Variants in ARFGAP1 observed in about 807,000 individuals in gnomAD.
The protein encoded by ARFGAP1 is ARF GTPase activating protein 1.
ARFGAP1 carries 26 observed loss-of-function variants against 54.0 expected under a neutral mutation model. That is an observed-to-expected ratio of 0.48 (90% CI 0.35 to 0.67). The LOEUF (loss-of-function observed/expected upper bound fraction) is 0.67, where lower values mean the gene tolerates loss of function less well. ARFGAP1 is among the 30% of genes least tolerant of loss of function. The pLI is 0.00. For missense variants in ARFGAP1, 525 were observed against 535.8 expected (o/e 0.98, Z 0.20); for synonymous variants, 248 against 211.9 (o/e 1.17, Z -1.48).
At chr20:63,284,227 C>T in intron 9 of ARFGAP1, 1 of 1,225,514 alleles carries the variant, frequency 8.2e-7, no homozygotes, top group Non-Finnish European at 1.0e-6. Context: ...GCAGGGTTTC[C>T]TGGCCACCTG....
chr20:63,283,956 C>T (rs771565004), intron 9 of ARFGAP1: 482 of 1,593,474 alleles, frequency 3.0e-4, no homozygotes, highest in Non-Finnish European at 3.7e-4. Context: ...GTCCCTCCTG[C>T]GTGCTGCCAC....
chr20:63,288,374 C>T lies in ARFGAP1; in HGVS notation c.*501C>T, dbSNP rs1251329890. The T allele has an allele frequency of 4.4e-6, 2 of 456,390 alleles. No individual in the cohort carries two copies. Among genetic ancestry groups the T allele is most frequent in the African/African-American group, 4.0e-5 (2 of 50,080 alleles). 28.3% of individuals were successfully genotyped at this position (456,390 alleles called of 1,614,324 possible). ...GGAAATGCTGGAAATGATACTGGCGCTCACGCTGCCATCCGACCACCCTCG... is the reference window on the plus strand; with the variant it reads ...GGAAATGCTGGAAATGATACTGGCGTTCACGCTGCCATCCGACCACCCTCG... On this transcript the variant is annotated 3_prime_UTR_variant, in exon 13 of 13. Coordinates refer to ENST00000370283, the MANE Select transcript of ARFGAP1 (RefSeq NM_018209.4).
chr20:63,275,506 A>T, intron 1 of ARFGAP1, 71 bp from the exon 2 acceptor site: 2 of 1,451,418 alleles, frequency 1.4e-6, no homozygotes, highest in Non-Finnish European at 1.9e-6. Flanking sequence ...GTGTTTTTGG[A>T]CAGACGTTAT....
At chr20:63,282,955 A>C (rs1440708551) in intron 9 of ARFGAP1, 104 bp downstream of exon 9, 21 of 1,283,386 alleles carry the variant, frequency 1.6e-5, no homozygotes, top group Non-Finnish European at 2.3e-5. Flanking sequence ...CTCAGGCCAC[A>C]TGCTCAGAGC....
chr20:63,281,187 G>A, intron 7 of ARFGAP1, 104 bp from the exon 8 acceptor site: 1 of 1,277,012 alleles, frequency 7.8e-7, no homozygotes, highest in Admixed American at 2.1e-5. Flanking sequence ...ACGGGGGCCT[G>A]GGGCAGCCTC....
At chr20:63,284,160 CCTG>C (rs993973708) in intron 9 of ARFGAP1, 1 of 1,312,276 alleles carries the variant, frequency 7.6e-7, no homozygotes, top group Non-Finnish European at 9.7e-7. Flanking sequence ...CCAACGCAGG[CCTG>C]CTGCCGGGGA....
intron 10 of ARFGAP1, 33 bp from the exon 11 acceptor site, chr20:63,285,621 C>T: frequency 6.2e-7 from 1 of 1,607,844 alleles, no homozygotes; most frequent in Non-Finnish European, 8.5e-7. Flanking sequence ...ATCTCTCCCG[C>T]CCCCATTAAT....
At chr20:63,279,913 C>T (rs1601346501) in intron 7 of ARFGAP1, among the ~76,000 whole-genome samples, 1 of 152,134 alleles carries the variant, frequency 6.6e-6, no homozygotes, top group East Asian at 1.9e-4. Flanking sequence ...CCAAGGCGGG[C>T]GGATCACCTG....
At chr20:63,277,419 A>C (rs957026118) in intron 5 of ARFGAP1, 114 bp downstream of exon 5, 2 of 918,348 alleles carry the variant, frequency 2.2e-6, no homozygotes, top group African/African-American at 3.4e-5. Context: ...CTTTTCCCAG[A>C]AGTCAGTGGG....
chr20:63,287,222 C>T (rs1020784955), intron 12 of ARFGAP1, among the ~76,000 whole-genome samples: 2 of 152,272 alleles, frequency 1.3e-5, no homozygotes, highest in African/African-American at 2.4e-5. Flanking sequence ...CTCGGGAGGG[C>T]CTGTGTCCCG....
Position 63,277,314 on chromosome 20 carries a change from T to A in ARFGAP1, c.443+9T>A. The A allele has an allele frequency of 6.2e-7, 1 of 1,609,482 alleles. No individual in the cohort carries two copies. The highest frequency in any genetic ancestry group is 8.5e-7 in the Non-Finnish European group (1 of 1,178,422). ...CCGTCCATGGTGCACCGGTAGCTGC[T>A]CCTCGTGGGGCCTTAGTACAGTTTC... On this transcript the variant is annotated intron_variant, in intron 5 of 12. Transcript: ENST00000370283.
At position 63,276,674 on chromosome 20, in the gene ARFGAP1, C is replaced by T; in HGVS notation, c.342+23C>T. ...AAGGTAGAGATGGGCCCGATTCACT[C>T]TTGCCCATGGTGTGGGGCTGCCCTG... is the stretch of plus-strand genomic sequence containing the variant. On this transcript the variant is annotated intron_variant, in intron 4 of 12. Coordinates refer to ENST00000370283, the MANE Select transcript of ARFGAP1 (RefSeq NM_018209.4). This position sits in a 1 kb window ranked among gnomAD's most constrained non-coding sequence, Gnocchi z 5.2. 6.3e-7 allele frequency: 1 copy of T among 1,585,386 alleles called. No homozygotes were observed. The highest frequency in any genetic ancestry group is 8.6e-7 in the Non-Finnish European group (1 of 1,163,754).
At chr20:63,285,950 C>G in intron 11 of ARFGAP1, 1 of 1,497,352 alleles carries the variant, frequency 6.7e-7, no homozygotes, top group Non-Finnish European at 8.9e-7. Context: ...TCTTATCTTG[C>G]TGCTGCTGGC....
chr20:63,281,436 G>A, intron 8 of ARFGAP1, 89 bp downstream of exon 8: 2 of 1,447,734 alleles, frequency 1.4e-6, no homozygotes, highest in South Asian at 2.4e-5. Flanking sequence ...AGCTGCAGAA[G>A]GGATGTGGGA....
At chr20:63,286,223 G>C in intron 11 of ARFGAP1, 143 bp from the exon 12 acceptor site, 17 of 1,547,522 alleles carry the variant, frequency 1.1e-5, no homozygotes, top group Non-Finnish European at 1.2e-5. Flanking sequence ...GTGTCTGTAC[G>C]TGTGTGCGAG....
At chr20:63,280,976 G>A (rs2067365134) in intron 7 of ARFGAP1, among the ~76,000 whole-genome samples, 1 of 152,230 alleles carries the variant, frequency 6.6e-6, no homozygotes. Flanking sequence ...AGGAGGGAGC[G>A]CCGGCCATGG....
chr20:63,283,209 GTGC>G, intron 9 of ARFGAP1: 1 of 387,482 alleles, frequency 2.6e-6, no homozygotes, highest in Non-Finnish European at 4.7e-6. Context: ...GGTTGGTGCT[GTGC>G]CTGCGGCACA....
intron 11 of ARFGAP1, chr20:63,286,120 T>C: frequency 1.3e-6 from 2 of 1,550,162 alleles, no homozygotes. Context: ...CCCCCAAGCA[T>C]GTGGTGGGAG....
At chr20:63,274,624 A>G (rs1320488926) in intron 1 of ARFGAP1, among the ~76,000 whole-genome samples, 2 of 152,044 alleles carry the variant, frequency 1.3e-5, no homozygotes, top group African/African-American at 2.4e-5. Flanking sequence ...CAGACAACGC[A>G]CTGAGGCATG....
Sources: allele counts gnomAD v4.1 joint callset (sites outside exome capture counted in the v4.1 genomes callset), GRCh38; gene constraint gnomAD v4.1.1; non-coding constraint Gnocchi (gnomAD v3.1); transcripts MANE v1.5; gene names NCBI Gene and HGNC (gene_info 2026-07-23, HGNC 2026-07-21).